The following CHRAC1 variants were observed in gnomAD, a reference collection of about 807,000 sequenced individuals.
CHRAC1 encodes the protein chromatin accessibility complex subunit 1, also known as chromatin accessibility complex protein 1.
Under a neutral mutation model 9.1 loss-of-function variants are expected in CHRAC1, and 6 were observed. That is an observed-to-expected ratio of 0.66 (90% CI 0.36 to 1.29). The LOEUF is 1.29. Among genes scored for constraint, CHRAC1 ranks in the 50% most tolerant of loss-of-function variants. The probability of loss-of-function intolerance (pLI) is 0.03; values close to 1 mark genes in which losing one functional copy is unlikely to be tolerated. For missense variants in CHRAC1, 168 were observed against 163.5 expected (o/e 1.03, Z -0.15); for synonymous variants, 73 against 64.5 (o/e 1.13, Z -0.63).
chr8:140,511,487 G>A lies in CHRAC1; in HGVS notation c.-13G>A, dbSNP rs962628044. On this transcript the variant is annotated 5_prime_UTR_variant, in exon 1 of 3. Coordinates refer to ENST00000220913, the MANE Select transcript of CHRAC1 (RefSeq NM_017444.6). ...GCCCGCCGGCTGCGGGCACCCGCGCGACGGGCGGGAAGATGGCGGACGTGG... is the reference window on the plus strand; with the variant it reads ...GCCCGCCGGCTGCGGGCACCCGCGCAACGGGCGGGAAGATGGCGGACGTGG... 1.5e-6 allele frequency: 2 copies of A among 1,314,270 alleles called. No homozygotes were observed. The highest frequency in any genetic ancestry group is 2.0e-6 in the Non-Finnish European group (2 of 1,019,706). The allele number at this position is 1,314,270 out of a possible 1,614,324, so 81.4% of individuals were successfully genotyped here.
intron 2 of CHRAC1, chr8:140,514,858 A>G (rs1564059275): frequency 5.1e-6 from 2 of 390,044 alleles, no homozygotes; most frequent in East Asian, 1.0e-4. Flanking sequence ...AGCCTAGGCT[A>G]TCTCAGGTAG....
Position 140,511,599 on chromosome 8 carries a change from G to A in CHRAC1, c.100G>A (p.Val34Met), listed in dbSNP as rs756903920. 6 of 1,490,582 alleles carry A rather than the reference G, an allele frequency of 4.0e-6. No homozygotes were observed. The East Asian group carries it at 1.6e-4, about 41-fold the overall frequency. The allele number at this position is 1,490,582 out of a possible 1,614,324, so 92.3% of individuals were successfully genotyped here. The change falls in exon 1 of 3, where the codon GTG (valine) becomes ATG (methionine). Residue 34 changes from valine (V) to methionine (M), a missense_variant. Coordinates refer to ENST00000220913, the MANE Select transcript of CHRAC1 (RefSeq NM_017444.6). ...IRVIMKSSPEVSSINQEALVL... is the reference protein window; with the variant it reads ...IRVIMKSSPEMSSINQEALVL... ...GGTCATCATGAAGAGCTCCCCCGAG[G>A]TGTCCAGCATCAACCAGGAGGCGTT...
In CHRAC1 at chr8:140,511,962, A is replaced by T. The variant is rs779719980; in HGVS notation, c.147+316A>T. The T allele has an allele frequency of 5.9e-5, 73 of 1,244,822 alleles. No homozygotes were observed. In the African/African-American group the frequency reaches 1.2e-3, roughly 20 times the overall value. The allele number at this position is 1,244,822 out of a possible 1,614,324, so 77.1% of individuals were successfully genotyped here. A position where few individuals can be genotyped will look rare whatever the true frequency, so the allele number is the denominator to read the frequency against. ...CCGCCCGCCCCTTCCTTCCGTGCGC[A>T]CCTTCGCCCCGCCCACCCCACTGTC... On this transcript the variant is annotated intron_variant, in intron 1 of 2. Transcript: ENST00000220913.
chr8:140,513,404 G>T (rs959254348), intron 1 of CHRAC1, among the ~76,000 whole-genome samples: 5 of 152,168 alleles, frequency 3.3e-5, no homozygotes, highest in African/African-American at 1.2e-4. Context: ...GAGCCAAATA[G>T]AATTTTTGAA....
chr8:140,511,856 C>A (rs1033646894), intron 1 of CHRAC1: 3 of 753,204 alleles, frequency 4.0e-6, no homozygotes, highest in African/African-American at 3.6e-5. Context: ...CCCGCCCACC[C>A]CTCGCCGCTC....
chr8:140,511,509 G>C lies in CHRAC1; in HGVS notation c.10G>C (p.Val4Leu), dbSNP rs1183941082. The change falls in exon 1 of 3, where the codon GTG (valine) becomes CTG (leucine). Residue 4 changes from valine (V) to leucine (L), a missense_variant. Val to Leu is a conservative substitution (Grantham distance 32). Coordinates refer to ENST00000220913, the MANE Select transcript of CHRAC1 (RefSeq NM_017444.6). MAD[V>L]VVGKDKGGEQ... ...CGCGACGGGCGGGAAGATGGCGGAC[G>C]TGGTCGTGGGTAAAGACAAGGGCGG... is the stretch of plus-strand genomic sequence containing the variant. The C allele has an allele frequency of 1.5e-6, 2 of 1,343,542 alleles. No homozygotes were observed. The highest frequency in any genetic ancestry group is 2.0e-4 in the Middle Eastern group (1 of 5,110). The allele number at this position is 1,343,542 out of a possible 1,614,324, so 83.2% of individuals were successfully genotyped here. A position where few individuals can be genotyped will look rare whatever the true frequency, so the allele number is the denominator to read the frequency against.
At chr8:140,512,890 C>A (rs937880163) in intron 1 of CHRAC1, among the ~76,000 whole-genome samples, 4 of 152,118 alleles carry the variant, frequency 2.6e-5, no homozygotes, top group African/African-American at 9.7e-5. Flanking sequence ...CTGTCTTGCT[C>A]ACTGCAACCT....
In CHRAC1 at chr8:140,515,307, C is replaced by G. The variant is rs1306931655; in HGVS notation, c.*60C>G. 16 of 1,570,922 alleles carry G rather than the reference C, an allele frequency of 1.0e-5. No individual in the cohort carries two copies. Among genetic ancestry groups the G allele is most frequent in the Non-Finnish European group, 1.4e-5 (16 of 1,156,248 alleles). On this transcript the variant is annotated 3_prime_UTR_variant, in exon 3 of 3. Transcript: ENST00000220913. ...CAGCCCTGGACCCACTCCACTGTCT[C>G]TAAGTAAACACAGCACTGCCCGCTT... is the stretch of plus-strand genomic sequence containing the variant.
At chr8:140,513,603 G>T (rs890898365) in intron 1 of CHRAC1, among the ~76,000 whole-genome samples, 26 of 143,774 alleles carry the variant, frequency 1.8e-4, no homozygotes, top group African/African-American at 5.8e-4. Flanking sequence ...GGCTAATTTT[G>T]TTTTTTTTTT....
At chr8:140,513,842 G>A (rs1170052094) in intron 1 of CHRAC1, among the ~76,000 whole-genome samples, 1 of 150,450 alleles carries the variant, frequency 6.6e-6, no homozygotes, top group Non-Finnish European at 1.5e-5. Context: ...GAAAATGCCT[G>A]CTTCTCCGCC....
Position 140,515,352 on chromosome 8 carries a change from A to G in CHRAC1, c.*105A>G, listed in dbSNP as rs950655183. 1 of 1,232,716 alleles carries G rather than the reference A, an allele frequency of 8.1e-7. No homozygotes were observed. The highest frequency in any genetic ancestry group is 1.1e-6 in the Non-Finnish European group (1 of 873,778). The allele number at this position is 1,232,716 out of a possible 1,614,324, so 76.4% of individuals were successfully genotyped here. On this transcript the variant is annotated 3_prime_UTR_variant, in exon 3 of 3. Coordinates refer to ENST00000220913, the MANE Select transcript of CHRAC1 (RefSeq NM_017444.6). ...CCGCTTTTAGCGTCTTCACTTCTTC[A>G]CAGAGTTCCAGTGTGTGGTATTCTT...
chr8:140,514,627 T>C (rs1378000887), intron 2 of CHRAC1, 132 bp downstream of exon 2: 15 of 636,186 alleles, frequency 2.4e-5, no homozygotes, highest in Non-Finnish European at 3.8e-5. Context: ...CAAAGTACTA[T>C]GAGTTGTCAC....
Position 140,515,285 on chromosome 8 carries a change from C to T in CHRAC1, c.*38C>T, listed in dbSNP as rs751332485. The T allele has an allele frequency of 2.5e-6, 4 of 1,600,524 alleles. No homozygotes were observed. The highest frequency in any genetic ancestry group is 3.5e-5 in the Admixed American group (2 of 57,490). On this transcript the variant is annotated 3_prime_UTR_variant, in exon 3 of 3. Transcript: ENST00000220913. ...TTAAAAACCAGCCTGGCGAGGACAG[C>T]CCTGGACCCACTCCACTGTCTCTAA...
chr8:140,512,151 A>G (rs1330281653), intron 1 of CHRAC1: 6 of 554,798 alleles, frequency 1.1e-5, no homozygotes, highest in Non-Finnish European at 1.1e-5. Flanking sequence ...CGCTCTTCTC[A>G]TTTGGGTTCT....
At position 140,512,773 on chromosome 8, in the gene CHRAC1, A is replaced by G. The variant is rs556052619; in HGVS notation, c.147+1127A>G. Reference sequence around the variant, plus strand: ...CATCTGGGGACATTTGTATTTTCCTATACAATTTCATTCTATTGGTATTAA... The same window carrying G: ...CATCTGGGGACATTTGTATTTTCCTGTACAATTTCATTCTATTGGTATTAA... On this transcript the variant is annotated intron_variant, in intron 1 of 2. Coordinates refer to ENST00000220913, the MANE Select transcript of CHRAC1 (RefSeq NM_017444.6). Among the ~76,000 whole-genome samples the G allele has an allele frequency of 6.6e-4, 101 of 152,358 alleles. 1 individual carries two copies. Among genetic ancestry groups the G allele is most frequent in the African/African-American group, 2.3e-3 (97 of 41,574 alleles).
In CHRAC1 at chr8:140,511,517, G is replaced by A. The variant is rs374585968; in HGVS notation, c.18G>A (p.Val6=). The change falls in exon 1 of 3, where the codon GTG becomes GTA. Residue 6 remains valine, a synonymous_variant. Coordinates refer to ENST00000220913, the MANE Select transcript of CHRAC1 (RefSeq NM_017444.6). ...GCGGGAAGATGGCGGACGTGGTCGT[G>A]GGTAAAGACAAGGGCGGGGAGCAGC... MADVV[V]GKDKGGEQRL... 2.9e-6 allele frequency: 4 copies of A among 1,363,604 alleles called. No homozygotes were observed. The highest frequency in any genetic ancestry group is 3.6e-5 in the South Asian group (2 of 54,942). 84.5% of individuals were successfully genotyped at this position (1,363,604 alleles called of 1,614,324 possible). A position where few individuals can be genotyped will look rare whatever the true frequency, so the allele number is the denominator to read the frequency against.
chr8:140,511,693 C>T (rs773417225), intron 1 of CHRAC1, 47 bp downstream of exon 1: 40 of 1,286,914 alleles, frequency 3.1e-5, no homozygotes, highest in South Asian at 2.7e-5. Flanking sequence ...CCCTCGCGCC[C>T]CGCCCCGCCG....
chr8:140,513,598 A>AT (rs1234919128), intron 1 of CHRAC1, among the ~76,000 whole-genome samples: 3 of 148,422 alleles, frequency 2.0e-5, no homozygotes, highest in African/African-American at 2.5e-5. Flanking sequence ...TGCCCGGCTA[A>AT]TTTTGTTTTT....
intron 1 of CHRAC1, chr8:140,511,979 C>G: frequency 7.7e-7 from 1 of 1,296,044 alleles, no homozygotes; most frequent in Non-Finnish European, 1.0e-6. Flanking sequence ...CCCCGCCCAC[C>G]CCACTGTCCT....
Sources: allele counts gnomAD v4.1 joint callset (sites outside exome capture counted in the v4.1 genomes callset), GRCh38; gene constraint gnomAD v4.1.1; transcripts MANE v1.5; gene names NCBI Gene and HGNC (gene_info 2026-07-23, HGNC 2026-07-21).